The following PHF10 variants were observed in gnomAD, a reference collection of about 807,000 sequenced individuals.
PHF10 encodes the protein BRG1-associated factor 45a.
PHF10 carries 51 observed loss-of-function variants against 68.5 expected under a neutral mutation model. That is an observed-to-expected ratio of 0.74 (90% CI 0.59 to 0.94). The LOEUF (loss-of-function observed/expected upper bound fraction) is 0.94, where lower values mean the gene tolerates loss of function less well. Ranked by LOEUF, PHF10 falls within the 40% of genes least tolerant of loss-of-function variation. PHF10 has a pLI of 0.00. For missense variants in PHF10, 460 were observed against 602.6 expected (o/e 0.76, Z 2.48); for synonymous variants, 204 against 203.5 (o/e 1.00, Z -0.02).
At chr6:169,722,247 T>C (rs531953762) in intron 1 of PHF10, among the ~76,000 whole-genome samples, 4 of 152,304 alleles carry the variant, frequency 2.6e-5, no homozygotes, top group African/African-American at 9.6e-5. Flanking sequence ...TAGTAAAATA[T>C]ATATTCTTTT....
intron 4 of PHF10, 145 bp downstream of exon 4, chr6:169,717,678 T>A (rs1001050696): frequency 3.6e-6 from 2 of 556,518 alleles, no homozygotes; most frequent in Non-Finnish European, 6.4e-6. Flanking sequence ...TTAACAATAA[T>A]CAAAAATGAA....
chr6:169,723,950 C>CCGCCGCCGCCGCCGT lies in PHF10; in HGVS notation c.-34_-20dup. ...CCGCCATCAGCCCGAGCGCCCCGCG[C>CCGCCGCCGCCGCCGT]CGCCGCCGCCGCCGTCGCCTCCGCC... On this transcript the variant is annotated 5_prime_UTR_variant, in exon 1 of 12. Coordinates refer to ENST00000339209, the MANE Select transcript of PHF10 (RefSeq NM_018288.4). 1.3e-6 allele frequency: 1 copy of CCGCCGCCGCCGCCGT among 775,652 alleles called. No individual in the cohort carries two copies. Among genetic ancestry groups the CCGCCGCCGCCGCCGT allele is most frequent in the African/African-American group, 1.9e-5 (1 of 52,410 alleles). 48.0% of individuals were successfully genotyped at this position (775,652 alleles called of 1,614,324 possible).
chr6:169,711,223 T>A (rs1036211757), intron 8 of PHF10, among the ~76,000 whole-genome samples: 3 of 152,302 alleles, frequency 2.0e-5, no homozygotes, highest in South Asian at 4.1e-4. Context: ...TGGATTACAC[T>A]GTGTGTGTAT....
intron 7 of PHF10, 87 bp downstream of exon 7, chr6:169,714,646 C>G: frequency 1.3e-6 from 1 of 747,258 alleles, no homozygotes; most frequent in Admixed American, 1.9e-5. Flanking sequence ...TATCTATAGA[C>G]CCCAAAATTG....
intron 9 of PHF10, among the ~76,000 whole-genome samples, chr6:169,706,777 C>T (rs1243034859): frequency 8.0e-6 from 1 of 125,588 alleles, no homozygotes; most frequent in African/African-American, 3.2e-5. Context: ...CACACACACA[C>T]ACGTAGATGA....
intron 2 of PHF10, 57 bp from the exon 3 acceptor site, chr6:169,718,975 C>T: frequency 4.3e-6 from 5 of 1,158,438 alleles, no homozygotes; most frequent in Non-Finnish European, 6.3e-6. Context: ...TTTTTAATCA[C>T]TTTTATTGAG....
In PHF10 at chr6:169,712,438, T is replaced by C; in HGVS notation, c.905A>G (p.Asp302Gly). The C allele has an allele frequency of 6.2e-7, 1 of 1,614,126 alleles. No individual in the cohort carries two copies. Among genetic ancestry groups the C allele is most frequent in the Non-Finnish European group, 8.5e-7 (1 of 1,179,978 alleles). Reference protein sequence around the residue: ...LPALDSDGDSDDGEDGRGDEK... With the variant: ...LPALDSDGDSGDGEDGRGDEK... ...ATCACCTCGACCATCTTCGCCATCA[T>C]CTGAATCACCATCACTGTCTAGAGC... is the stretch of plus-strand genomic sequence containing the variant. Residue 302 changes from aspartate to glycine, a missense_variant, in exon 8 of 12, where the codon GAT (aspartate) becomes GGT (glycine). Asp to Gly is a moderately conservative substitution (Grantham distance 94). Transcript: ENST00000339209.
intron 7 of PHF10, among the ~76,000 whole-genome samples, chr6:169,714,244 G>GCACC (rs2128330174): frequency 6.6e-6 from 1 of 152,336 alleles, no homozygotes; most frequent in East Asian, 1.9e-4. Flanking sequence ...TGTGGCTGGG[G>GCACC]CACCCAGTTG....
intron 1 of PHF10, among the ~76,000 whole-genome samples, chr6:169,723,041 C>T (rs1298245018): frequency 6.6e-6 from 1 of 152,264 alleles, no homozygotes; most frequent in Non-Finnish European, 1.5e-5. Flanking sequence ...CAAGCAGGCG[C>T]AGCCCGGCTA....
intron 8 of PHF10, among the ~76,000 whole-genome samples, chr6:169,711,215 G>T (rs1262840178): frequency 6.6e-6 from 1 of 151,662 alleles, no homozygotes; most frequent in African/African-American, 2.4e-5. Context: ...TACAAAACTG[G>T]ATTACACTGT....
At position 169,712,512 on chromosome 6, in the gene PHF10, C is replaced by A; in HGVS notation, c.831G>T (p.Leu277=). ...KRYSPDELRY[L]PLNTALYEPP... ...GCTCATACAGGGCTGTGTTTAATGG[C>A]AGATACCGCAGCTCATCTGGTGAGT... Residue 277 remains leucine, a synonymous_variant, in exon 8 of 12, where the codon CTG becomes CTT. Transcript: ENST00000339209. 6.2e-7 allele frequency: 1 copy of A among 1,613,456 alleles called. No individual in the cohort carries two copies. The highest frequency in any genetic ancestry group is 8.5e-7 in the Non-Finnish European group (1 of 1,179,770).
intron 1 of PHF10, among the ~76,000 whole-genome samples, chr6:169,723,412 TTTC>T (rs1357780137): frequency 6.6e-6 from 1 of 152,212 alleles, no homozygotes; most frequent in Non-Finnish European, 1.5e-5. Flanking sequence ...GTGTGTTGAT[TTTC>T]CATATCGTTC....
intron 8 of PHF10, 103 bp downstream of exon 8, chr6:169,712,281 TAC>T: frequency 1.0e-6 from 1 of 996,114 alleles, no homozygotes; most frequent in South Asian, 1.4e-5. Context: ...TTCTGGAAAT[TAC>T]ATGCAACCAT....
chr6:169,717,623 A>G, intron 4 of PHF10, 200 bp downstream of exon 4: 1 of 475,190 alleles, frequency 2.1e-6, no homozygotes, highest in Non-Finnish European at 3.7e-6. Flanking sequence ...AACCATCATA[A>G]GTCAGGAACC....
rs1228034706 is a variant in PHF10 at position 169,718,934 on chromosome 6, CATA to C, written c.195-19_195-17del. 16 of 1,486,980 alleles carry C rather than the reference CATA, an allele frequency of 1.1e-5. No homozygotes were observed. Among genetic ancestry groups the C allele is most frequent in the Non-Finnish European group, 1.5e-5 (16 of 1,071,210 alleles). 92.1% of individuals were successfully genotyped at this position (1,486,980 alleles called of 1,614,324 possible). ...GTAACTAAAACTAAGTACAGAAATA[CATA>C]TTATGCATTAAATGTAGCTTTCATT... On this transcript the variant is annotated splice_polypyrimidine_tract_variant and intron_variant, in intron 2 of 11. Transcript: ENST00000339209.
intron 6 of PHF10, 113 bp downstream of exon 6, chr6:169,715,587 CAAACAAAA>C: frequency 1.1e-6 from 1 of 901,398 alleles, no homozygotes. Context: ...AACAAACAAA[CAAACAAAA>C]AAAACACACA....
At chr6:169,715,661 C>T (rs778874356) in intron 6 of PHF10, 47 bp downstream of exon 6, 96 of 1,518,142 alleles carry the variant, frequency 6.3e-5, no homozygotes, top group South Asian at 1.3e-4. Flanking sequence ...TCTGCAATAA[C>T]AAGTAATAAA....
chr6:169,711,236 A>G (rs956106421), intron 8 of PHF10, among the ~76,000 whole-genome samples: 7 of 152,142 alleles, frequency 4.6e-5, no homozygotes, highest in East Asian at 3.9e-4. Flanking sequence ...GTGTGTATGC[A>G]TATGTGTATT....
intron 6 of PHF10, 89 bp downstream of exon 6, chr6:169,715,619 C>G: frequency 8.8e-7 from 1 of 1,131,542 alleles, no homozygotes; most frequent in Non-Finnish European, 1.3e-6. Context: ...ATAGGTGGTA[C>G]AAAAAATAAC....
Sources: gnomAD v4.1 joint callset for allele counts (sites outside exome capture counted in the v4.1 genomes callset) on GRCh38, gnomAD v4.1.1 for gene constraint, MANE v1.5 for transcripts, NCBI Gene and HGNC (gene_info 2026-07-23, HGNC 2026-07-21) for gene names.